Variants in FNIP1 observed in about 807,000 individuals in gnomAD.
The protein encoded by FNIP1 is folliculin-interacting protein 1.
In FNIP1, 40 loss-of-function variants were observed where a neutral mutation model predicts 124.5. The ratio of observed to expected loss-of-function variants is 0.32; its 90% confidence interval spans 0.25 to 0.42. FNIP1 has a LOEUF of 0.42. Ranked by LOEUF, FNIP1 falls within the 10% of genes least tolerant of loss-of-function variation. FNIP1 has a pLI of 1.00. For synonymous variants in FNIP1, 472 were observed against 470.6 expected, an observed-to-expected ratio of 1.00 and a Z score of -0.04; for missense variants, 1,176 against 1,403.7, an observed-to-expected ratio of 0.84 and a Z score of 2.59.
chr5:131,719,547 C>T (rs1561672563), intron 3 of FNIP1, 130 bp from the exon 4 acceptor site: 1 of 720,238 alleles, frequency 1.4e-6, no homozygotes, highest in Non-Finnish European at 2.2e-6. Flanking sequence ...ACTGTATACG[C>T]TGTTCTGCAA....
intron 1 of FNIP1, among the ~76,000 whole-genome samples, chr5:131,785,396 A>C (rs1389751357): frequency 2.0e-5 from 3 of 151,672 alleles, no homozygotes; most frequent in Admixed American, 6.6e-5. Context: ...CGCTACTAAA[A>C]ATACAAAAAT....
At chr5:131,751,362 T>C (rs1770866676) in intron 1 of FNIP1, among the ~76,000 whole-genome samples, 1 of 152,066 alleles carries the variant, frequency 6.6e-6, no homozygotes, top group Non-Finnish European at 1.5e-5. Context: ...AGATTATAAA[T>C]CTAATAGTAT....
chr5:131,735,251 T>C (rs536204917), intron 2 of FNIP1, among the ~76,000 whole-genome samples: 7 of 152,050 alleles, frequency 4.6e-5, no homozygotes, highest in South Asian at 4.1e-4. Flanking sequence ...TAGGTAGGAA[T>C]TGAACAATGA....
At chr5:131,786,254 T>C (rs1477814813) in intron 1 of FNIP1, among the ~76,000 whole-genome samples, 1 of 152,214 alleles carries the variant, frequency 6.6e-6, no homozygotes, top group Non-Finnish European at 1.5e-5. Context: ...TTCTTTGAGC[T>C]GGATACCAGA....
At chr5:131,687,465 C>T (rs76386054) in intron 11 of FNIP1, among the ~76,000 whole-genome samples, 11,627 of 152,212 alleles carry the variant, frequency 0.076, 605 homozygotes, top group East Asian at 0.19. Context: ...TGTATTCTTA[C>T]ATTAAAATAT....
At chr5:131,712,187 TC>T (rs1302380131) in intron 6 of FNIP1, among the ~76,000 whole-genome samples, 1 of 152,174 alleles carries the variant, frequency 6.6e-6, no homozygotes, top group Non-Finnish European at 1.5e-5. Flanking sequence ...CTAAGTTCCT[TC>T]CTCCCTTCCA....
chr5:131,724,127 G>A (rs1282586519), intron 3 of FNIP1, among the ~76,000 whole-genome samples: 3 of 152,128 alleles, frequency 2.0e-5, no homozygotes, highest in Non-Finnish European at 4.4e-5. Flanking sequence ...CATTTGGGTT[G>A]GTTCCAAGTC....
chr5:131,688,611 T>C (rs1306908239), intron 11 of FNIP1, among the ~76,000 whole-genome samples: 1 of 150,594 alleles, frequency 6.6e-6, no homozygotes, highest in East Asian at 1.9e-4. Flanking sequence ...TTATTGTTGC[T>C]CTGATGTTTA....
At chr5:131,738,284 C>T (rs1417811501) in intron 2 of FNIP1, among the ~76,000 whole-genome samples, 2 of 152,302 alleles carry the variant, frequency 1.3e-5, no homozygotes, top group South Asian at 2.1e-4. Context: ...TTGTCCTTCA[C>T]TCAATTATCT....
intron 1 of FNIP1, among the ~76,000 whole-genome samples, chr5:131,771,693 G>T (rs114956089): frequency 6.6e-6 from 1 of 152,002 alleles, no homozygotes; most frequent in Non-Finnish European, 1.5e-5. Context: ...CCCTCTCCAC[G>T]TCTACAGAGT....
Position 131,709,062 on chromosome 5 carries a change from CTT to C in FNIP1, c.778+137_778+138del, listed in dbSNP as rs1366632998. The C allele has an allele frequency of 4.5e-6, 3 of 666,918 alleles. No individual in the cohort carries two copies. The East Asian group carries it at 7.9e-5, about 18-fold the overall frequency. The allele number at this position is 666,918 out of a possible 1,614,324, so 41.3% of individuals were successfully genotyped here. On this transcript the variant is annotated intron_variant, in intron 8 of 17. Transcript: ENST00000510461. ...CATGAAAAATATTAAATTTATAAGA[CTT>C]TGCTCTGGTCTTTTCACAGTTCTCT...
chr5:131,709,610 G>A (rs1769224093), intron 7 of FNIP1, among the ~76,000 whole-genome samples: 1 of 152,096 alleles, frequency 6.6e-6, no homozygotes, highest in Non-Finnish European at 1.5e-5. Context: ...AGTGCTTGCT[G>A]GGACCAAGTG....
chr5:131,666,173 C>T (rs1767598630), intron 15 of FNIP1, among the ~76,000 whole-genome samples: 1 of 152,172 alleles, frequency 6.6e-6, no homozygotes, highest in Admixed American at 6.5e-5. Flanking sequence ...AGCTGTGAGC[C>T]ACCGTGCCTG....
At chr5:131,677,001 G>A (rs1767931354) in intron 13 of FNIP1, among the ~76,000 whole-genome samples, 1 of 152,182 alleles carries the variant, frequency 6.6e-6, no homozygotes, top group Admixed American at 6.5e-5. Flanking sequence ...AAGCAACAGA[G>A]TAGGAGCAGA....
At chr5:131,710,503 T>C in intron 7 of FNIP1, 75 bp downstream of exon 7, 2 of 1,397,372 alleles carry the variant, frequency 1.4e-6, no homozygotes, top group African/African-American at 1.4e-5. Flanking sequence ...TCTACTCTCT[T>C]GTTTCCACAG....
At chr5:131,779,147 T>TAA (rs78900804) in intron 1 of FNIP1, among the ~76,000 whole-genome samples, 1 of 122,804 alleles carries the variant, frequency 8.1e-6, no homozygotes, top group African/African-American at 3.0e-5. Flanking sequence ...AAAGTATAAT[T>TAA]AAAAAAAAAA....
intron 10 of FNIP1, among the ~76,000 whole-genome samples, chr5:131,702,858 C>T (rs1416966472): frequency 1.3e-5 from 2 of 152,186 alleles, no homozygotes; most frequent in African/African-American, 4.8e-5. Flanking sequence ...AATAGCCAAT[C>T]CTTTTCCTTC....
intron 11 of FNIP1, among the ~76,000 whole-genome samples, chr5:131,696,466 C>T (rs894534514): frequency 3.3e-5 from 5 of 151,936 alleles, no homozygotes; most frequent in East Asian, 3.9e-4. Flanking sequence ...CACTGATTAC[C>T]GTATCACTAG....
Position 131,706,466 on chromosome 5 carries a change from G to A in FNIP1, c.859C>T (p.Arg287Ter). The change falls in exon 9 of 18, where the codon CGA becomes TGA. Residue 287 changes from arginine to a stop codon, truncating the protein, a stop_gained. Transcript: ENST00000510461. LOFTEE classifies it high-confidence loss of function. ...GTTGTTTGGCTGCGTCGCCAACGTC[G>A]CTGGTAGCTGCTGGCACAACTTCGG... ...LTRSCASSYQ[R>*]RWRRSQTTSL... is the part of the protein sequence containing the mutation. The A allele has an allele frequency of 1.9e-6, 3 of 1,613,320 alleles. No homozygotes were observed. The highest frequency in any genetic ancestry group is 1.7e-6 in the Non-Finnish European group (2 of 1,179,578).
Sources: allele counts gnomAD v4.1 joint callset (sites outside exome capture counted in the v4.1 genomes callset), GRCh38; gene constraint gnomAD v4.1.1; transcripts MANE v1.5; gene names NCBI Gene and HGNC (gene_info 2026-07-23, HGNC 2026-07-21).